The following SERPINE2 variants were observed in gnomAD, a reference collection of about 807,000 sequenced individuals.
SERPINE2 encodes the protein glia-derived nexin.
A neutral mutation model predicts 36.3 loss-of-function variants in SERPINE2; 14 were observed. The ratio of observed to expected loss-of-function variants is 0.39; its 90% confidence interval spans 0.25 to 0.60. SERPINE2 has a LOEUF of 0.60. SERPINE2 is among the 20% of genes least tolerant of loss of function. SERPINE2 has a pLI of 0.57. For missense variants in SERPINE2, 418 were observed against 499.6 expected (o/e 0.84, Z 1.56); for synonymous variants, 192 against 191.8 (o/e 1.00, Z -0.01).
intron 1 of SERPINE2, among the ~76,000 whole-genome samples, chr2:224,011,834 C>T (rs1559212740): frequency 1.3e-5 from 2 of 152,156 alleles, no homozygotes; most frequent in African/African-American, 4.8e-5. Flanking sequence ...ATATTCTCTG[C>T]AATAAATAAT....
intron 1 of SERPINE2, among the ~76,000 whole-genome samples, chr2:224,020,159 A>G (rs915297457): frequency 6.6e-6 from 1 of 152,204 alleles, no homozygotes; most frequent in Non-Finnish European, 1.5e-5. Flanking sequence ...TAGTGGGAAC[A>G]TGCATTCCAA....
rs550396747 is a variant in SERPINE2 at position 224,028,644 on chromosome 2, T to C, written c.-23+10455A>G. Reference sequence around the variant, plus strand: ...ACACCTGAATCTCATTTTTCTCACCTATAAACCAGGAATGATTTCTACCTT... The same window carrying C: ...ACACCTGAATCTCATTTTTCTCACCCATAAACCAGGAATGATTTCTACCTT... On this transcript the variant is annotated intron_variant, in intron 1 of 8. Transcript: ENST00000409304. Among the ~76,000 whole-genome samples, 3 of 152,338 alleles carry C rather than the reference T, an allele frequency of 2.0e-5. No homozygotes were observed. The South Asian group carries it at 6.2e-4, about 32-fold the overall frequency.
rs370889457 is a variant in SERPINE2 at position 223,997,964 on chromosome 2, G to A, written c.487+151C>T. The A allele has an allele frequency of 9.2e-6, 6 of 649,290 alleles. No homozygotes were observed. In the South Asian group the frequency reaches 9.3e-5, roughly 10 times the overall value. The allele number at this position is 649,290 out of a possible 1,614,324, so 40.2% of individuals were successfully genotyped here. On this transcript the variant is annotated intron_variant, in intron 3 of 8. Transcript: ENST00000409304. ...TGAGCAATGGCAGATTGAAGGGGAA[G>A]GAGGGAGACTGAATAGAGCTTCCTT... is the stretch of plus-strand genomic sequence containing the variant.
chr2:224,009,855 C>A (rs1278715221), intron 1 of SERPINE2, among the ~76,000 whole-genome samples: 1 of 152,186 alleles, frequency 6.6e-6, no homozygotes, highest in Non-Finnish European at 1.5e-5. Context: ...AAGAGGCATT[C>A]TAGAAACTCT....
Position 224,005,083 on chromosome 2 carries a change from A to T in SERPINE2, c.-22-3161T>A, listed in dbSNP as rs1326330236. Among the ~76,000 whole-genome samples the T allele has an allele frequency of 6.6e-4, 89 of 133,942 alleles. 1 individual carries two copies. Among genetic ancestry groups the T allele is most frequent in the Non-Finnish European group, 1.1e-3 (72 of 64,228 alleles). 87.9% of individuals were successfully genotyped at this position (133,942 alleles called of 152,430 possible). A position where few individuals can be genotyped will look rare whatever the true frequency, so the allele number is the denominator to read the frequency against. ...ATATATATTATATATATATATATAT[A>T]TATATATATATATAAAACATTGTAA... On this transcript the variant is annotated intron_variant, in intron 1 of 8. Coordinates refer to ENST00000409304, the MANE Select transcript of SERPINE2 (RefSeq NM_001136528.2).
intron 1 of SERPINE2, among the ~76,000 whole-genome samples, chr2:224,018,974 T>C (rs1691893459): frequency 6.6e-6 from 1 of 152,194 alleles, no homozygotes; most frequent in Admixed American, 6.5e-5. Flanking sequence ...TCAATCCCTA[T>C]GATGACTTCT....
chr2:223,998,013 A>G, intron 3 of SERPINE2, 102 bp downstream of exon 3: 1 of 880,760 alleles, frequency 1.1e-6, no homozygotes, highest in Non-Finnish European at 1.8e-6. Context: ...CTCAACCCAC[A>G]GGCCATTGAA....
At chr2:223,987,567 T>C (rs1690484635) in intron 4 of SERPINE2, among the ~76,000 whole-genome samples, 1 of 152,178 alleles carries the variant, frequency 6.6e-6, no homozygotes, top group African/African-American at 2.4e-5. Context: ...AACGTAAGTA[T>C]AATAGGTTGA....
At chr2:224,006,388 C>T (rs907984464) in intron 1 of SERPINE2, among the ~76,000 whole-genome samples, 20 of 152,258 alleles carry the variant, frequency 1.3e-4, no homozygotes, top group African/African-American at 4.8e-4. Flanking sequence ...TACCCAAGCC[C>T]GAGCCTCTGC....
chr2:223,988,175 A>G (rs1310916960), intron 4 of SERPINE2, among the ~76,000 whole-genome samples: 1 of 152,026 alleles, frequency 6.6e-6, no homozygotes, highest in Admixed American at 6.6e-5. Context: ...GGCAATACAT[A>G]TATTTATTTA....
At chr2:224,012,602 CAAA>C (rs35279856) in intron 1 of SERPINE2, among the ~76,000 whole-genome samples, 6 of 135,646 alleles carry the variant, frequency 4.4e-5, no homozygotes, top group African/African-American at 5.6e-5. Flanking sequence ...GACTCCATCC[CAAA>C]AAAAAAAAAA....
chr2:224,031,709 G>A (rs1692382184), intron 1 of SERPINE2, among the ~76,000 whole-genome samples: 1 of 152,012 alleles, frequency 6.6e-6, no homozygotes, highest in Admixed American at 6.5e-5. Flanking sequence ...CGAACAGCAT[G>A]TGACTGAAAC....
intron 1 of SERPINE2, 76 bp from the exon 2 acceptor site, chr2:224,001,998 A>G: frequency 1.0e-6 from 1 of 995,190 alleles, no homozygotes; most frequent in Admixed American, 3.9e-5. Context: ...TTTCCCCCAG[A>G]TAGAGACTCG....
chr2:224,031,075 C>T, intron 1 of SERPINE2: 1 of 985,354 alleles, frequency 1.0e-6, no homozygotes, highest in South Asian at 4.7e-5. Context: ...GAGGAGTGTG[C>T]TTTGACACAA....
At chr2:223,990,706 G>A (rs1405892645) in intron 4 of SERPINE2, among the ~76,000 whole-genome samples, 7 of 152,154 alleles carry the variant, frequency 4.6e-5, no homozygotes, top group Admixed American at 6.5e-5. Flanking sequence ...AGCCTGGTGC[G>A]GTGGCTCATG....
intron 7 of SERPINE2, chr2:223,979,259 A>G (rs1455203976): frequency 6.6e-6 from 1 of 152,148 alleles, no homozygotes; most frequent in African/African-American, 2.4e-5. Flanking sequence ...TTGGCACAGG[A>G]CCCCACAAAC....
At chr2:224,035,849 C>G (rs1014069634) in intron 1 of SERPINE2, among the ~76,000 whole-genome samples, 12 of 152,174 alleles carry the variant, frequency 7.9e-5, no homozygotes, top group African/African-American at 2.4e-4. Context: ...GCAAGGCCAG[C>G]GTGACTAGAG....
intron 4 of SERPINE2, among the ~76,000 whole-genome samples, chr2:223,989,424 C>T (rs551170048): frequency 6.6e-6 from 1 of 152,326 alleles, no homozygotes; most frequent in African/African-American, 2.4e-5. Context: ...AGTTTGGACA[C>T]AGCAGCTCGA....
chr2:223,990,755 A>C (rs1454894040), intron 4 of SERPINE2, among the ~76,000 whole-genome samples: 1 of 152,176 alleles, frequency 6.6e-6, no homozygotes, highest in Non-Finnish European at 1.5e-5. Flanking sequence ...AGGCAGGTGG[A>C]TCACTTAGGC....
Sources: allele counts gnomAD v4.1 joint callset (sites outside exome capture counted in the v4.1 genomes callset), GRCh38; gene constraint gnomAD v4.1.1; transcripts MANE v1.5; gene names NCBI Gene and HGNC (gene_info 2026-07-23, HGNC 2026-07-21).